The following GUCY1B1 variants were observed in gnomAD, a reference collection of about 807,000 sequenced individuals.
The protein encoded by GUCY1B1 is guanylate cyclase 1 soluble subunit beta 1, also known as guanylate cyclase soluble subunit beta-1.
In GUCY1B1, 43 loss-of-function variants were observed where a neutral mutation model predicts 71.0. That is an observed-to-expected ratio of 0.61 (90% CI 0.47 to 0.78). The LOEUF (loss-of-function observed/expected upper bound fraction) is 0.78, where lower values mean the gene tolerates loss of function less well. GUCY1B1 is among the 30% of genes least tolerant of loss of function. The pLI is 0.00. For synonymous variants in GUCY1B1, 266 were observed against 259.7 expected, an observed-to-expected ratio of 1.02 and a Z score of -0.23; for missense variants, 535 against 754.1, an observed-to-expected ratio of 0.71 and a Z score of 3.40.
At chr4:155,793,566 C>CTCT (rs763852313) in intron 5 of GUCY1B1, among the ~76,000 whole-genome samples, 6 of 152,136 alleles carry the variant, frequency 3.9e-5, no homozygotes, top group Non-Finnish European at 8.8e-5. Flanking sequence ...GCTAAGAAGG[C>CTCT]AGAGCCCACA....
intron 4 of GUCY1B1, among the ~76,000 whole-genome samples, chr4:155,783,021 T>C (rs1473283108): frequency 6.6e-6 from 1 of 152,238 alleles, no homozygotes; most frequent in Admixed American, 6.5e-5. Flanking sequence ...AACTTTCTAA[T>C]TTAGCCAGAC....
intron 4 of GUCY1B1, among the ~76,000 whole-genome samples, chr4:155,786,698 C>T (rs1201866570): frequency 6.6e-6 from 1 of 151,834 alleles, no homozygotes; most frequent in Non-Finnish European, 1.5e-5. Context: ...TGGTCTTGAT[C>T]TCCTGACCTT....
rs772841493 is a variant in GUCY1B1, at chr4:155,793,966, T to C, written c.606T>C (p.Gly202=). 1.9e-6 allele frequency: 3 copies of C among 1,604,924 alleles called. No individual in the cohort carries two copies. Among genetic ancestry groups the C allele is most frequent in the Non-Finnish European group, 2.6e-6 (3 of 1,171,778 alleles). The change falls in exon 6 of 14, where the codon GGT becomes GGC. Residue 202 remains glycine, a synonymous_variant. Coordinates refer to ENST00000264424, the MANE Select transcript of GUCY1B1 (RefSeq NM_000857.5). The part of the protein sequence containing the change: ...YEDLDRFEEN[G]TQESRISPYT... Reference sequence around the variant, plus strand: ...ATCTTGACAGATTTGAAGAAAATGGTACCCAGGAATCACGCATCAGCCCAT... The same window carrying C: ...ATCTTGACAGATTTGAAGAAAATGGCACCCAGGAATCACGCATCAGCCCAT...
chr4:155,759,102 T>C lies in GUCY1B1; in HGVS notation c.-39T>C, dbSNP rs968509648. 2 of 1,586,600 alleles carry C rather than the reference T, an allele frequency of 1.3e-6. No individual in the cohort carries two copies. Among genetic ancestry groups the C allele is most frequent in the Middle Eastern group, 1.7e-4 (1 of 6,006 alleles). ...GCCTGGGTCCCTTCGGCCGTACCTC[T>C]GCGTGGGGGCTGCCTCCCCGGCTCC... On this transcript the variant is annotated 5_prime_UTR_variant, in exon 1 of 14. Coordinates refer to ENST00000264424, the MANE Select transcript of GUCY1B1 (RefSeq NM_000857.5).
At chr4:155,782,294 T>C (rs1447404852) in intron 4 of GUCY1B1, among the ~76,000 whole-genome samples, 1 of 152,174 alleles carries the variant, frequency 6.6e-6, no homozygotes, top group Non-Finnish European at 1.5e-5. Flanking sequence ...TTTCACCGTG[T>C]TAGCCAGAAT....
intron 6 of GUCY1B1, 82 bp downstream of exon 6, chr4:155,794,168 T>C: frequency 1.4e-6 from 1 of 738,892 alleles, no homozygotes; most frequent in Admixed American, 2.4e-5. Flanking sequence ...TCCATTCATT[T>C]AACCCTCTGA....
Position 155,786,741 on chromosome 4 carries a change from G to A in GUCY1B1, c.298-2973G>A, listed in dbSNP as rs1459533367. Among the ~76,000 whole-genome samples the A allele has an allele frequency of 2.0e-5, 3 of 151,880 alleles. No individual in the cohort carries two copies. In the East Asian group the frequency reaches 5.8e-4, roughly 29 times the overall value. Reference sequence around the variant, plus strand: ...GCCCGCCTTGGCCTCCCAAAGTGCTGGGATTACAGGTGTGAGGCACCGCGC... The same window carrying A: ...GCCCGCCTTGGCCTCCCAAAGTGCTAGGATTACAGGTGTGAGGCACCGCGC... On this transcript the variant is annotated intron_variant, in intron 4 of 13. Transcript: ENST00000264424.
intron 3 of GUCY1B1, among the ~76,000 whole-genome samples, chr4:155,776,544 C>T (rs532027893): frequency 6.6e-6 from 1 of 152,112 alleles, no homozygotes; most frequent in Non-Finnish European, 1.5e-5. Flanking sequence ...GTGGTGGGTT[C>T]CTGTGGTCCC....
rs17033532 is a variant in GUCY1B1, at chr4:155,789,922, G to A, written c.495+11G>A. On this transcript the variant is annotated intron_variant, in intron 5 of 13. Transcript: ENST00000264424. ...GAAATAGACATGAAGGTAACAAACA[G>A]CAATGGAGACTTCTGAACACAGATG... is the stretch of plus-strand genomic sequence containing the variant. The A allele has an allele frequency of 8.9e-3, 13,811 of 1,556,208 alleles. 111 individuals carry two copies. Among genetic ancestry groups the A allele is most frequent in the Middle Eastern group, 0.023 (135 of 5,882 alleles).
chr4:155,766,435 T>C (rs1281543152), intron 2 of GUCY1B1, among the ~76,000 whole-genome samples: 1 of 152,176 alleles, frequency 6.6e-6, no homozygotes, highest in Non-Finnish European at 1.5e-5. Flanking sequence ...CACCCTCTTT[T>C]TTTGTAGTGA....
At chr4:155,779,572 G>A (rs892826904) in intron 4 of GUCY1B1, among the ~76,000 whole-genome samples, 3 of 152,060 alleles carry the variant, frequency 2.0e-5, no homozygotes, top group African/African-American at 7.2e-5. Flanking sequence ...GAATACTGTA[G>A]TTTTCATCAA....
chr4:155,793,818 T>C (rs745860044), intron 5 of GUCY1B1, 38 bp from the exon 6 acceptor site: 1 of 883,588 alleles, frequency 1.1e-6, no homozygotes, highest in South Asian at 1.4e-5. Context: ...TAAACTGAAA[T>C]GAAGACAATT....
intron 5 of GUCY1B1, among the ~76,000 whole-genome samples, chr4:155,792,740 C>A (rs11942702): frequency 0.099 from 15,056 of 151,856 alleles, 2,198 homozygotes; most frequent in African/African-American, 0.32. Context: ...GTCTGGTTGC[C>A]GTTGAGATCG....
intron 2 of GUCY1B1, among the ~76,000 whole-genome samples, chr4:155,773,155 G>A (rs1479015965): frequency 5.3e-5 from 8 of 152,240 alleles, no homozygotes; most frequent in African/African-American, 1.9e-4. Context: ...ATTGGATTGA[G>A]AGTAAGAGGT....
chr4:155,802,264 G>A lies in GUCY1B1; in HGVS notation c.1176-78G>A, dbSNP rs1385057723. 1 of 1,587,060 alleles carries A rather than the reference G, an allele frequency of 6.3e-7. No homozygotes were observed. The highest frequency in any genetic ancestry group is 8.6e-7 in the Non-Finnish European group (1 of 1,168,058). The stretch of plus-strand genomic sequence containing the variant: ...TTAAAGTACAAACGACACTGATGCT[G>A]TGTGAAAAGGACAGCAGAAGCACTA... On this transcript the variant is annotated intron_variant, in intron 9 of 13. Coordinates refer to ENST00000264424, the MANE Select transcript of GUCY1B1 (RefSeq NM_000857.5). The surrounding 1 kb of genome is among the most constrained non-coding windows in gnomAD (Gnocchi z 4.3).
At chr4:155,786,486 T>G (rs10031832) in intron 4 of GUCY1B1, among the ~76,000 whole-genome samples, 3,573 of 122,620 alleles carry the variant, frequency 0.029, 222 homozygotes, top group African/African-American at 0.11. Context: ...TTTTTTTTTT[T>G]TGAGATGGAG....
intron 2 of GUCY1B1, 89 bp downstream of exon 2, chr4:155,759,949 CG>C (rs1736860356): frequency 2.2e-6 from 2 of 929,398 alleles, no homozygotes; most frequent in African/African-American, 3.3e-5. Context: ...GCCTGCTGGC[CG>C]GGTCGCGGGC....
rs1736755921 is a variant in GUCY1B1 at position 155,759,105 on chromosome 4, G to T, written c.-36G>T. ...TGGGTCCCTTCGGCCGTACCTCTGCGTGGGGGCTGCCTCCCCGGCTCCCGG... is the reference window on the plus strand; with the variant it reads ...TGGGTCCCTTCGGCCGTACCTCTGCTTGGGGGCTGCCTCCCCGGCTCCCGG... On this transcript the variant is annotated 5_prime_UTR_variant, in exon 1 of 14. Coordinates refer to ENST00000264424, the MANE Select transcript of GUCY1B1 (RefSeq NM_000857.5). 1.3e-6 allele frequency: 2 copies of T among 1,587,364 alleles called. No individual in the cohort carries two copies. Among genetic ancestry groups the T allele is most frequent in the Non-Finnish European group, 1.7e-6 (2 of 1,167,666 alleles).
Position 155,794,007 on chromosome 4 carries a change from C to T in GUCY1B1, c.647C>T (p.Ala216Val). ...ATCAGCCCATATACATTCTGCAAAG[C>T]TTTTCCTTTTCATATAATATTTGAC... is the stretch of plus-strand genomic sequence containing the variant. ...SRISPYTFCK[A>V]FPFHIIFDRD... Residue 216 changes from alanine (A) to valine (V), a missense_variant, in exon 6 of 14, where the codon GCT (alanine) becomes GTT (valine). Coordinates refer to ENST00000264424, the MANE Select transcript of GUCY1B1 (RefSeq NM_000857.5). 6.2e-7 allele frequency: 1 copy of T among 1,613,144 alleles called. No homozygotes were observed. The highest frequency in any genetic ancestry group is 8.5e-7 in the Non-Finnish European group (1 of 1,179,166).
Sources: allele counts gnomAD v4.1 joint callset (sites outside exome capture counted in the v4.1 genomes callset), GRCh38; gene constraint gnomAD v4.1.1; non-coding constraint Gnocchi (gnomAD v3.1); transcripts MANE v1.5; gene names NCBI Gene and HGNC (gene_info 2026-07-23, HGNC 2026-07-21).